Variants in TBC1D26 observed in about 807,000 individuals in gnomAD.
TBC1D26 encodes the protein TBC1 domain family member 26, also known as TBC1 domain family, member 26.
A neutral mutation model predicts 42.5 loss-of-function variants in TBC1D26; 19 were observed. That is an observed-to-expected ratio of 0.45 (90% CI 0.31 to 0.66). The LOEUF (loss-of-function observed/expected upper bound fraction) is 0.66. TBC1D26 is among the 30% of genes least tolerant of loss of function. TBC1D26 has a pLI of 0.06. For missense variants in TBC1D26, 228 were observed against 332.6 expected, an observed-to-expected ratio of 0.69 and a Z score of 2.45; for synonymous variants, 97 against 123.5, an observed-to-expected ratio of 0.79 and a Z score of 1.42.
At position 15,734,919 on chromosome 17, in the gene TBC1D26, G is replaced by C; in HGVS notation, c.-142-11G>C. 1 of 203,480 alleles carries C rather than the reference G, an allele frequency of 4.9e-6. No homozygotes were observed. Among genetic ancestry groups the C allele is most frequent in the Non-Finnish European group, 1.0e-5 (1 of 99,702 alleles). 12.6% of individuals were successfully genotyped at this position (203,480 alleles called of 1,614,324 possible). On this transcript the variant is annotated splice_polypyrimidine_tract_variant and intron_variant, in intron 1 of 14. Transcript: ENST00000437605. ...GAACGGAGCAGTCACCAGATGTCTT[G>C]CTTCCTACAGAAAACTGATTATATT...
rs749082778 is a variant in TBC1D26 at position 15,740,148 on chromosome 17, TGTGA to T, written c.546+3_546+6del. ...TCGTGGCCTATTCTGCATATAACCC[TGTGA>T]GTATTCCCGGGCAGCGATATTCCTG... On this transcript the variant is annotated splice_donor_variant and splice_donor_region_variant and intron_variant, in intron 9 of 14. Coordinates refer to ENST00000437605, the MANE Select transcript of TBC1D26 (RefSeq NM_001388465.1). LOFTEE classifies it high-confidence loss of function. The T allele has an allele frequency of 3.1e-6, 5 of 1,614,172 alleles. No individual in the cohort carries two copies. The Admixed American group carries it at 8.3e-5, about 27-fold the overall frequency.
intron 10 of TBC1D26, 144 bp downstream of exon 10, chr17:15,741,365 A>G (rs1967774324): frequency 3.4e-6 from 5 of 1,472,538 alleles, no homozygotes; most frequent in Non-Finnish European, 4.6e-6. Flanking sequence ...AGCCTCCAGG[A>G]TGTCCCTGCT....
At chr17:15,743,640 T>G (rs1967851070) in intron 14 of TBC1D26, 124 bp downstream of exon 14, 3 of 216,256 alleles carry the variant, frequency 1.4e-5, no homozygotes, top group Non-Finnish European at 2.4e-5. Flanking sequence ...CTCCTCTTCC[T>G]CCTCTACTCC....
intron 8 of TBC1D26, among the ~76,000 whole-genome samples, chr17:15,739,506 A>G (rs1183365157): frequency 3.3e-5 from 5 of 152,268 alleles, no homozygotes; most frequent in Admixed American, 3.3e-4. Context: ...TCAGTGAGGA[A>G]AAGGAACGAA....
chr17:15,741,149 C>A lies in TBC1D26; in HGVS notation c.574C>A (p.Arg192Ser). The change falls in exon 10 of 15, where the codon CGC becomes AGC. Residue 192 changes from arginine (R) to serine (S), a missense_variant. Arg to Ser is a moderately radical substitution (Grantham distance 110). This residue lies in a region of TBC1D26 where 130 missense variants were observed against 168.5 expected (regional missense o/e 0.77). Transcript: ENST00000437605. ...PEVGYHRDLS[R>S]ITAILLLCLP... Reference sequence around the variant, plus strand: ...GGTGGGCTACCACAGGGACCTGAGCCGCATCACTGCCATCCTCCTCCTGTG... The same window carrying A: ...GGTGGGCTACCACAGGGACCTGAGCAGCATCACTGCCATCCTCCTCCTGTG... 2 of 1,612,836 alleles carry A rather than the reference C, an allele frequency of 1.2e-6. No homozygotes were observed. The highest frequency in any genetic ancestry group is 1.7e-6 in the Non-Finnish European group (2 of 1,179,972).
intron 7 of TBC1D26, 135 bp downstream of exon 7, chr17:15,738,522 T>TG: frequency 7.5e-7 from 1 of 1,327,134 alleles, no homozygotes; most frequent in Non-Finnish European, 1.0e-6. Flanking sequence ...TGGGCATAGA[T>TG]GGTAACTCAG....
At chr17:15,739,387 G>A (rs1967710128) in intron 8 of TBC1D26, among the ~76,000 whole-genome samples, 2 of 152,274 alleles carry the variant, frequency 1.3e-5, no homozygotes, top group South Asian at 4.1e-4. Context: ...AAACCCGCAT[G>A]TGACGTTCAC....
rs889761126 is a variant in TBC1D26 at position 15,741,774 on chromosome 17, C to T, written c.647-168C>T. ...CCCAGGAGGCCGCTAGGCAGTGCCT[C>T]CAGCCAGGGACCTCCTCCCCAGGGC... is the stretch of plus-strand genomic sequence containing the variant. On this transcript the variant is annotated intron_variant, in intron 10 of 14. Transcript: ENST00000437605. 1.3e-5 allele frequency: 8 copies of T among 636,346 alleles called. No homozygotes were observed. In the African/African-American group the frequency reaches 1.5e-4, roughly 12 times the overall value. The allele number at this position is 636,346 out of a possible 1,614,324, so 39.4% of individuals were successfully genotyped here.
At chr17:15,734,373 T>G (rs115911222) in intron 1 of TBC1D26, among the ~76,000 whole-genome samples, 534 of 152,214 alleles carry the variant, frequency 3.5e-3, no homozygotes, top group Middle Eastern at 0.024. Context: ...TCTCACCAAC[T>G]CAGACCTAAA....
chr17:15,733,229 C>A (rs1646171285), intron 1 of TBC1D26, among the ~76,000 whole-genome samples: 1 of 151,628 alleles, frequency 6.6e-6, no homozygotes, highest in Non-Finnish European at 1.5e-5. Flanking sequence ...GCCTGGCCGG[C>A]AGGGGTCTGG....
At chr17:15,741,749 C>T in intron 10 of TBC1D26, 193 bp from the exon 11 acceptor site, 1 of 589,506 alleles carries the variant, frequency 1.7e-6, no homozygotes. Context: ...GGCACCTGGA[C>T]CCAGGAGGCC....
chr17:15,740,340 C>A (rs1174762881), intron 9 of TBC1D26, 192 bp downstream of exon 9: 10 of 1,529,306 alleles, frequency 6.5e-6, no homozygotes. Context: ...ACCCAATCAC[C>A]ACGTCTCAGA....
chr17:15,741,327 T>A, intron 10 of TBC1D26, 106 bp downstream of exon 10: 1 of 1,577,802 alleles, frequency 6.3e-7, no homozygotes, highest in Non-Finnish European at 8.6e-7. Context: ...CCAGGCAAGG[T>A]GCCTGCCTTG....
In TBC1D26 at chr17:15,735,372, T is replaced by C; in HGVS notation, c.24T>C (p.Tyr8=). The C allele has an allele frequency of 6.2e-7, 1 of 1,613,868 alleles. No individual in the cohort carries two copies. Among genetic ancestry groups the C allele is most frequent in the Non-Finnish European group, 8.5e-7 (1 of 1,179,846 alleles). MEMDGDP[Y]NLPAQGQGNI... ...GGATGGAGATGGATGGGGACCCGTA[T>C]AACCTGCCTGCCCAGGGGCAAGGCA... is the stretch of plus-strand genomic sequence containing the variant. Residue 8 remains tyrosine (Y), a synonymous_variant, in exon 3 of 15, where the codon TAT becomes TAC. Coordinates refer to ENST00000437605, the MANE Select transcript of TBC1D26 (RefSeq NM_001388465.1).
At chr17:15,733,436 A>G (rs1038164054) in intron 1 of TBC1D26, among the ~76,000 whole-genome samples, 5 of 152,088 alleles carry the variant, frequency 3.3e-5, no homozygotes, top group African/African-American at 1.2e-4. Context: ...AGTTCCCCCT[A>G]ATGAGGGGCC....
intron 9 of TBC1D26, 101 bp downstream of exon 9, chr17:15,740,249 G>A (rs1967742221): frequency 1.2e-6 from 2 of 1,613,496 alleles, no homozygotes; most frequent in African/African-American, 1.3e-5. Context: ...TTCAGTGTTT[G>A]TCCACCAGGA....
chr17:15,742,036 G>A lies in TBC1D26; in HGVS notation c.741G>A (p.Leu247=), dbSNP rs1222411660. The A allele has an allele frequency of 1.9e-6, 3 of 1,613,556 alleles. No homozygotes were observed. Among genetic ancestry groups the A allele is most frequent in the African/African-American group, 1.3e-5 (1 of 74,892 alleles). ...HKSFPKIMRH[L]GKEGLCIEGS... ...CCTTCCCAAAGATCATGAGACACCT[G>A]GTGAGTGGATGACACCCTCAGCTCC... is the stretch of plus-strand genomic sequence containing the variant. Residue 247 remains leucine, a splice_region_variant and synonymous_variant, in exon 11 of 15, where the codon CTG becomes CTA. Coordinates refer to ENST00000437605, the MANE Select transcript of TBC1D26 (RefSeq NM_001388465.1).
At position 15,735,677 on chromosome 17, in the gene TBC1D26, G is replaced by T. The variant is rs1342208151; in HGVS notation, c.156G>T (p.Val52=). The part of the protein sequence containing the change: ...VRKYTNNLGI[V]HEMELPHVSA... ...AATACACCAATAACCTCGGGATTGTGCAGTAAGTCCTCTGTCCCCCCGACC... is the reference window on the plus strand; with the variant it reads ...AATACACCAATAACCTCGGGATTGTTCAGTAAGTCCTCTGTCCCCCCGACC... The change falls in exon 4 of 15, where the codon GTG becomes GTT. Residue 52 remains valine, a splice_region_variant and synonymous_variant. Coordinates refer to ENST00000437605, the MANE Select transcript of TBC1D26 (RefSeq NM_001388465.1). The T allele has an allele frequency of 1.5e-6, 1 of 648,526 alleles. No homozygotes were observed. Among genetic ancestry groups the T allele is most frequent in the Non-Finnish European group, 2.7e-6 (1 of 367,678 alleles). 40.2% of individuals were successfully genotyped at this position (648,526 alleles called of 1,614,324 possible).
Position 15,738,385 on chromosome 17 carries a change from A to G in TBC1D26, c.385A>G (p.Lys129Glu). Reference protein sequence around the residue: ...RIKSQNPGKYKVMKEKGKRSS... With the variant: ...RIKSQNPGKYEVMKEKGKRSS... ...CAAGTCCCAGAACCCAGGCAAATATAAGGTAAGTCCCTCCCACACTCAGCT... is the reference window on the plus strand; with the variant it reads ...CAAGTCCCAGAACCCAGGCAAATATGAGGTAAGTCCCTCCCACACTCAGCT... The change falls in exon 7 of 15, where the codon AAG (lysine) becomes GAG (glutamate). Residue 129 changes from lysine to glutamate, a missense_variant and splice_region_variant. Lys to Glu is a moderately conservative substitution (Grantham distance 56). Coordinates refer to ENST00000437605, the MANE Select transcript of TBC1D26 (RefSeq NM_001388465.1). 6.2e-7 allele frequency: 1 copy of G among 1,613,464 alleles called. No individual in the cohort carries two copies.
Sources: allele counts gnomAD v4.1 joint callset (sites outside exome capture counted in the v4.1 genomes callset), GRCh38; gene constraint gnomAD v4.1.1; regional missense constraint gnomAD v4.1.1; transcripts MANE v1.5; gene names NCBI Gene and HGNC (gene_info 2026-07-23, HGNC 2026-07-21).